ELOVL6: variants seen among roughly 807,000 people sequenced by gnomAD.
ELOVL6 encodes very long chain fatty acid elongase 6.
ELOVL6 carries 8 observed loss-of-function variants against 31.7 expected under a neutral mutation model. The observed-to-expected ratio is 0.25, with a 90% confidence interval of 0.15 to 0.45. The LOEUF (loss-of-function observed/expected upper bound fraction) is 0.45. Among genes scored for constraint, ELOVL6 ranks in the 20% least tolerant of loss-of-function variants. The pLI is 1.00. For missense variants in ELOVL6, 126 were observed against 326.4 expected (o/e 0.39, Z 4.73); for synonymous variants, 101 against 117.7 (o/e 0.86, Z 0.92).
intron 1 of ELOVL6, among the ~76,000 whole-genome samples, chr4:110,120,460 G>A (rs946305229): frequency 6.6e-6 from 1 of 151,902 alleles, no homozygotes; most frequent in African/African-American, 2.4e-5. Context: ...GATAACAATA[G>A]TTAAAAAGTA....
chr4:110,074,819 T>C (rs1011754262), intron 2 of ELOVL6, among the ~76,000 whole-genome samples: 3 of 152,198 alleles, frequency 2.0e-5, no homozygotes, highest in Non-Finnish European at 4.4e-5. Flanking sequence ...AGCCCTGCGC[T>C]GGCTCTCCTT....
chr4:110,073,819 A>G (rs910334019), intron 2 of ELOVL6, among the ~76,000 whole-genome samples: 4 of 152,144 alleles, frequency 2.6e-5, no homozygotes, highest in South Asian at 2.1e-4. Flanking sequence ...AAATAAAAAG[A>G]CCACCGCTGG....
intron 1 of ELOVL6, among the ~76,000 whole-genome samples, chr4:110,184,271 T>C (rs542366975): frequency 3.3e-5 from 5 of 152,348 alleles, no homozygotes; most frequent in African/African-American, 1.2e-4. Context: ...CAGCCTCGTA[T>C]GTCCATGCAT....
chr4:110,133,545 G>A (rs187026444), intron 1 of ELOVL6, among the ~76,000 whole-genome samples: 22 of 152,298 alleles, frequency 1.4e-4, no homozygotes, highest in Admixed American at 1.4e-3. Context: ...GGCTTGCGGA[G>A]GCGGGGTTGT....
At chr4:110,084,556 A>ATT (rs1208053354) in intron 2 of ELOVL6, among the ~76,000 whole-genome samples, 3 of 67,524 alleles carry the variant, frequency 4.4e-5, no homozygotes, top group East Asian at 5.4e-4. Context: ...ACACACACAC[A>ATT]CACACAGATA....
chr4:110,095,890 T>C (rs1756567273), intron 2 of ELOVL6, among the ~76,000 whole-genome samples: 1 of 152,174 alleles, frequency 6.6e-6, no homozygotes, highest in African/African-American at 2.4e-5. Flanking sequence ...ATACATAACT[T>C]AGAATGACTT....
intron 2 of ELOVL6, among the ~76,000 whole-genome samples, chr4:110,078,794 C>T (rs1304140561): frequency 6.6e-6 from 1 of 152,140 alleles, no homozygotes; most frequent in Non-Finnish European, 1.5e-5. Context: ...CACAGACTGG[C>T]AAATTGGATA....
chr4:110,053,725 G>C (rs916738747), intron 3 of ELOVL6, among the ~76,000 whole-genome samples: 5 of 152,150 alleles, frequency 3.3e-5, no homozygotes, highest in African/African-American at 1.2e-4. Flanking sequence ...AGATCACAAG[G>C]TCAGGAGATC....
At chr4:110,095,813 G>A (rs1018233345) in intron 2 of ELOVL6, among the ~76,000 whole-genome samples, 27 of 152,194 alleles carry the variant, frequency 1.8e-4, no homozygotes, top group Non-Finnish European at 2.9e-4. Flanking sequence ...GGTGGAACAG[G>A]TGTAGTCAGC....
chr4:110,064,859 A>G (rs1411309922), intron 2 of ELOVL6, among the ~76,000 whole-genome samples: 2 of 152,168 alleles, frequency 1.3e-5, no homozygotes, highest in Non-Finnish European at 2.9e-5. Flanking sequence ...CAATGGTACT[A>G]GCTTGTGAGG....
intron 1 of ELOVL6, among the ~76,000 whole-genome samples, chr4:110,114,704 A>AGGAC (rs1451885982): frequency 6.6e-6 from 1 of 152,224 alleles, no homozygotes; most frequent in Non-Finnish European, 1.5e-5. Context: ...AAAGAAGCCT[A>AGGAC]GGACGTCTTA....
rs1205295754 is a variant in ELOVL6, at chr4:110,051,026, C to G, written c.*312G>C. On this transcript the variant is annotated 3_prime_UTR_variant, in exon 4 of 4. Coordinates refer to ENST00000302274, the MANE Select transcript of ELOVL6 (RefSeq NM_024090.3). This position sits in a 1 kb window ranked among gnomAD's most constrained non-coding sequence, Gnocchi z 4.8. Reference sequence around the variant, plus strand: ...CTATGTGTTAATAGCCTTTGTTTGCCTTTGATTAGTCTCCTCTGCTTCTGG... The same window carrying G: ...CTATGTGTTAATAGCCTTTGTTTGCGTTTGATTAGTCTCCTCTGCTTCTGG... The G allele has an allele frequency of 3.2e-6, 1 of 313,726 alleles. No individual in the cohort carries two copies. Among genetic ancestry groups the G allele is most frequent in the African/African-American group, 2.1e-5 (1 of 46,860 alleles). 19.4% of individuals were successfully genotyped at this position (313,726 alleles called of 1,614,324 possible).
intron 1 of ELOVL6, among the ~76,000 whole-genome samples, chr4:110,151,921 ATCAG>A (rs1166122867): frequency 6.6e-6 from 1 of 152,238 alleles, no homozygotes; most frequent in Non-Finnish European, 1.5e-5. Flanking sequence ...ACATTTAATC[ATCAG>A]TCAGTGAATA....
chr4:110,120,696 C>A (rs1399757905), intron 1 of ELOVL6, among the ~76,000 whole-genome samples: 2 of 152,086 alleles, frequency 1.3e-5, no homozygotes, highest in Non-Finnish European at 2.9e-5. Context: ...ACTTGAGATT[C>A]CACCGCTACA....
intron 2 of ELOVL6, among the ~76,000 whole-genome samples, chr4:110,084,589 T>TATATA (rs1491219333): frequency 5.1e-4 from 13 of 25,622 alleles, no homozygotes; most frequent in East Asian, 4.2e-3. Context: ...TATATATATA[T>TATATA]TTTTTTTTTT....
chr4:110,137,847 G>C (rs1274564414), intron 1 of ELOVL6, among the ~76,000 whole-genome samples: 1 of 152,130 alleles, frequency 6.6e-6, no homozygotes, highest in Non-Finnish European at 1.5e-5. Flanking sequence ...CAACAGAACT[G>C]TGCACATTCA....
At chr4:110,168,080 A>C (rs1190772816) in intron 1 of ELOVL6, among the ~76,000 whole-genome samples, 4 of 152,204 alleles carry the variant, frequency 2.6e-5, no homozygotes, top group Non-Finnish European at 5.9e-5. Flanking sequence ...TCTTTGTATC[A>C]ATTTATGAAC....
At chr4:110,161,061 A>G (rs1758616835) in intron 1 of ELOVL6, among the ~76,000 whole-genome samples, 2 of 152,232 alleles carry the variant, frequency 1.3e-5, no homozygotes, top group South Asian at 4.1e-4. Flanking sequence ...GTAGAGAGGT[A>G]TAATATACAA....
chr4:110,105,772 G>A (rs1756869750), intron 1 of ELOVL6, 144 bp from the exon 2 acceptor site: 15 of 677,008 alleles, frequency 2.2e-5, no homozygotes, highest in Non-Finnish European at 3.1e-5. Flanking sequence ...TAGTCTACAC[G>A]GCAAACTAGT....
Sources: gnomAD v4.1 joint callset for allele counts (sites outside exome capture counted in the v4.1 genomes callset) on GRCh38, gnomAD v4.1.1 for gene constraint, Gnocchi (gnomAD v3.1) non-coding constraint, MANE v1.5 for transcripts, NCBI Gene and HGNC (gene_info 2026-07-23, HGNC 2026-07-21) for gene names.